Variants in MEIS3 observed in about 807,000 individuals in gnomAD.
MEIS3 encodes homeobox protein Meis3.
In MEIS3, 38 loss-of-function variants were observed where a neutral mutation model predicts 51.4. The observed-to-expected ratio is 0.74, with a 90% CI of 0.57 to 0.97. MEIS3 has a LOEUF of 0.97. Among genes scored for constraint, MEIS3 ranks in the 50% least tolerant of loss-of-function variants. The pLI, the probability that MEIS3 is intolerant of heterozygous loss-of-function variation, is 0.00. For synonymous variants in MEIS3, 198 were observed against 201.8 expected (o/e 0.98, Z 0.16); for missense variants, 456 against 502.6 (o/e 0.91, Z 0.89).
chr19:47,409,277 G>T (rs200710251), intron 7 of MEIS3, 30 bp from the exon 8 acceptor site: 7 of 1,595,644 alleles, frequency 4.4e-6, no homozygotes, highest in African/African-American at 2.7e-5. Context: ...CTGTGTGTGT[G>T]GGTAGTGAAG....
upstream of MEIS3, among the ~76,000 whole-genome samples, chr19:47,420,897 C>CTG (rs1971684583): frequency 5.0e-5 from 3 of 60,248 alleles, no homozygotes; most frequent in Admixed American, 5.5e-4. Flanking sequence ...CTCTCGCTCT[C>CTG]TCTCTCTCTC....
intron 6 of MEIS3, among the ~76,000 whole-genome samples, chr19:47,411,788 C>G (rs1306773832): frequency 6.6e-6 from 1 of 151,878 alleles, no homozygotes; most frequent in Non-Finnish European, 1.5e-5. Flanking sequence ...GATCCACCCC[C>G]CTCAGACTCA....
In MEIS3 at chr19:47,417,201, C is replaced by T. The variant is rs779192638; in HGVS notation, c.162G>A (p.Lys54=). The T allele has an allele frequency of 6.4e-7, 1 of 1,563,964 alleles. No individual in the cohort carries two copies. Among genetic ancestry groups the T allele is most frequent in the Non-Finnish European group, 8.6e-7 (1 of 1,158,342 alleles). Residue 54 remains lysine (K), a synonymous_variant, in exon 2 of 13, where the codon AAG becomes AAA. Transcript: ENST00000558555. ...ACCCATAGATCTCATCCTTCTCCCT[C>T]TTCAGGCCGTCGCTGTCCAAGCCTG... The part of the protein sequence containing the change: ...LPPGLDSDGL[K]REKDEIYGHP...
intron 1 of MEIS3, 57 bp downstream of exon 1, chr19:47,419,013 G>A (rs895924798): frequency 1.7e-6 from 2 of 1,167,584 alleles, no homozygotes; most frequent in African/African-American, 1.6e-5. Context: ...AGTGGGGGAT[G>A]CAGGGACAGG....
rs143356741 is a variant in MEIS3 at position 47,409,001 on chromosome 19, T to G, written c.858+98A>C. 1.4e-3 allele frequency: 2,042 copies of G among 1,424,668 alleles called. 34 individuals are homozygous for G. In the African/African-American group the frequency reaches 0.025, roughly 18 times the overall value. 88.3% of individuals were successfully genotyped at this position (1,424,668 alleles called of 1,614,324 possible). On this transcript the variant is annotated intron_variant, in intron 8 of 12. Coordinates refer to ENST00000558555, the MANE Select transcript of MEIS3 (RefSeq NM_001301059.2). ...AGTCTCGAAAAATTTCCTGCCGTCT[T>G]TCTCCCACTTCTGGGTTTCTCTGGG...
At position 47,417,309 on chromosome 19, in the gene MEIS3, G is replaced by A; in HGVS notation, c.54C>T (p.Pro18=). 1.9e-6 allele frequency: 3 copies of A among 1,613,826 alleles called. No individual in the cohort carries two copies. The highest frequency in any genetic ancestry group is 2.5e-6 in the Non-Finnish European group (3 of 1,179,920). The change falls in exon 2 of 13, where the codon CCC becomes CCT. Residue 18 remains proline (P), a synonymous_variant. Coordinates refer to ENST00000558555, the MANE Select transcript of MEIS3 (RefSeq NM_001301059.2). ...LPHYPGIVDG[P]AALASFPETV... is the part of the protein sequence containing the mutation. ...TCTCTGGGAAGCTAGCCAGGGCTGC[G>A]GGGCCATCCACGATGCCTGGGTAGT...
intron 8 of MEIS3, among the ~76,000 whole-genome samples, chr19:47,408,153 G>A (rs1253987408): frequency 6.6e-6 from 1 of 150,902 alleles, no homozygotes; most frequent in Non-Finnish European, 1.5e-5. Context: ...TTTAAACAGG[G>A]TCTCACTCTG....
intron 6 of MEIS3, among the ~76,000 whole-genome samples, chr19:47,411,895 G>A (rs137907305): frequency 4.6e-5 from 7 of 151,886 alleles, no homozygotes; most frequent in African/African-American, 1.7e-4. Context: ...CTAGGCTGGA[G>A]TGCAGTGGTG....
intron 8 of MEIS3, 158 bp from the exon 9 acceptor site, chr19:47,407,586 G>T: frequency 6.8e-7 from 1 of 1,472,618 alleles, no homozygotes; most frequent in Non-Finnish European, 9.0e-7. Context: ...CCAGGATGGA[G>T]ACCAAGGGAG....
chr19:47,407,207 A>G (rs1267619514), intron 9 of MEIS3, 70 bp from the exon 10 acceptor site: 1 of 1,538,760 alleles, frequency 6.5e-7, no homozygotes, highest in South Asian at 1.2e-5. Flanking sequence ...ACGAACACAG[A>G]GCGGGCCGGA....
chr19:47,409,788 G>A (rs559171814), intron 6 of MEIS3, among the ~76,000 whole-genome samples: 2 of 151,822 alleles, frequency 1.3e-5, no homozygotes, highest in African/African-American at 2.4e-5. Context: ...GCTTGAACCC[G>A]GGAGGCAGAG....
intron 1 of MEIS3, 58 bp downstream of exon 1, chr19:47,419,012 T>C: frequency 1.0e-6 from 1 of 970,126 alleles, no homozygotes; most frequent in Non-Finnish European, 1.2e-6. Flanking sequence ...GAGTGGGGGA[T>C]GCAGGGACAG....
chr19:47,404,086 C>T (rs1970710900), intron 12 of MEIS3, among the ~76,000 whole-genome samples: 1 of 152,114 alleles, frequency 6.6e-6, no homozygotes, highest in Non-Finnish European at 1.5e-5. Context: ...CGCCTGTAGT[C>T]TCAGCCACTT....
chr19:47,417,473 T>A, intron 1 of MEIS3, 123 bp from the exon 2 acceptor site: 1 of 1,230,678 alleles, frequency 8.1e-7, no homozygotes, highest in Non-Finnish European at 1.2e-6. Context: ...GAAACCTGCC[T>A]GTGGTCCCCA....
At chr19:47,409,363 A>C (rs887446956) in intron 7 of MEIS3, 73 bp downstream of exon 7, 2 of 1,576,560 alleles carry the variant, frequency 1.3e-6, no homozygotes, top group Non-Finnish European at 1.7e-6. Context: ...CCCCTCTACA[A>C]GTCTTACTTG....
At chr19:47,418,799 A>T (rs1461541818) in intron 1 of MEIS3, 2 of 321,690 alleles carry the variant, frequency 6.2e-6, no homozygotes. Context: ...GGAGGAGGAG[A>T]GTGGGGCAGA....
intron 12 of MEIS3, among the ~76,000 whole-genome samples, chr19:47,405,432 G>T (rs140634727): frequency 1.3e-5 from 2 of 152,222 alleles, no homozygotes; most frequent in South Asian, 4.1e-4. Flanking sequence ...CCCTCCTATG[G>T]GGAAACTACG....
At chr19:47,403,781 CAG>C (rs1455506570) in intron 12 of MEIS3, among the ~76,000 whole-genome samples, 2 of 151,922 alleles carry the variant, frequency 1.3e-5, no homozygotes, top group Non-Finnish European at 2.9e-5. Flanking sequence ...GACCTACAGA[CAG>C]AGACAGAGAA....
At chr19:47,420,932 ACACACACACTCTCT>A (rs1971690283), upstream of MEIS3, among the ~76,000 whole-genome samples, 5 of 109,700 alleles carry the variant, frequency 4.6e-5, no homozygotes, top group African/African-American at 1.9e-4. Context: ...ACACACACAC[ACACACACACTCTCT>A]CTCTCTCTCT....
Sources: gnomAD v4.1 joint callset for allele counts (sites outside exome capture counted in the v4.1 genomes callset) on GRCh38, gnomAD v4.1.1 for gene constraint, MANE v1.5 for transcripts, NCBI Gene and HGNC (gene_info 2026-07-23, HGNC 2026-07-21) for gene names.